Variants in GPR20 observed in about 807,000 individuals in gnomAD.
GPR20 encodes the protein G protein-coupled receptor 20, also known as CTD-3064M3.3.
For synonymous variants in GPR20, 241 were observed against 241.9 expected, an observed-to-expected ratio of 1.00 and a Z score of 0.04; for missense variants, 494 against 527.4, an observed-to-expected ratio of 0.94 and a Z score of 0.62.
At chr8:141,358,124 G>A (rs898827782) in intron 1 of GPR20, among the ~76,000 whole-genome samples, 177 bp from the exon 2 acceptor site, 3 of 152,250 alleles carry the variant, frequency 2.0e-5, no homozygotes, top group Admixed American at 6.5e-5. Flanking sequence ...AGGGAGCCTC[G>A]GACAGCAGCA....
rs768535542 is a variant in GPR20 at position 141,357,971 on chromosome 8, C to T, written c.-24-24G>A. ...GCCTGGAAGCAAGGAGACCAGGTCA[C>T]CCCAGGCGCCAGCCTGGCCTTAAGC... On this transcript the variant is annotated intron_variant, in intron 1 of 1. Coordinates refer to ENST00000377741, the MANE Select transcript of GPR20 (RefSeq NM_005293.3). The T allele has an allele frequency of 4.1e-6, 5 of 1,209,656 alleles. No homozygotes were observed. The South Asian group carries it at 6.1e-5, about 15-fold the overall frequency. 74.9% of individuals were successfully genotyped at this position (1,209,656 alleles called of 1,614,324 possible).
At chr8:141,358,921 G>T (rs1222611338) in intron 1 of GPR20, among the ~76,000 whole-genome samples, 2 of 127,278 alleles carry the variant, frequency 1.6e-5, no homozygotes, top group Non-Finnish European at 3.6e-5. Flanking sequence ...GGTGGGGGGC[G>T]GGCGAGGGGC....
At chr8:141,359,425 T>C (rs1302861066) in intron 1 of GPR20, among the ~76,000 whole-genome samples, 1 of 152,198 alleles carries the variant, frequency 6.6e-6, no homozygotes, top group East Asian at 1.9e-4. Context: ...TCACCCAGCA[T>C]GCCCTCTGCC....
chr8:141,362,779 T>C (rs977308811), intron 1 of GPR20, among the ~76,000 whole-genome samples: 5 of 145,354 alleles, frequency 3.4e-5, no homozygotes, highest in African/African-American at 1.4e-4. Flanking sequence ...ACTCTTTCTT[T>C]CTTTCTTTTT....
intron 1 of GPR20, among the ~76,000 whole-genome samples, chr8:141,363,746 A>C (rs1273036496): frequency 1.3e-5 from 2 of 152,110 alleles, no homozygotes; most frequent in African/African-American, 2.4e-5. Flanking sequence ...AACCCACCCC[A>C]CCAACCTGGG....
rs972965917 is a variant in GPR20, at chr8:141,356,807, G to A, written c.*40C>T. The A allele has an allele frequency of 1.4e-6, 2 of 1,436,354 alleles. No homozygotes were observed. Among genetic ancestry groups the A allele is most frequent in the Non-Finnish European group, 1.9e-6 (2 of 1,053,734 alleles). The allele number at this position is 1,436,354 out of a possible 1,614,324, so 89.0% of individuals were successfully genotyped here. On this transcript the variant is annotated 3_prime_UTR_variant, in exon 2 of 2. Coordinates refer to ENST00000377741, the MANE Select transcript of GPR20 (RefSeq NM_005293.3). Reference sequence around the variant, plus strand: ...GTGGGTGTCCACGCTGGCATGCCCAGATGAGTCCTGACCTTCGGCCCCTGG... The same window carrying A: ...GTGGGTGTCCACGCTGGCATGCCCAAATGAGTCCTGACCTTCGGCCCCTGG...
intron 1 of GPR20, among the ~76,000 whole-genome samples, chr8:141,360,001 A>C (rs1380521069): frequency 2.6e-5 from 4 of 152,156 alleles, no homozygotes; most frequent in Non-Finnish European, 5.9e-5. Flanking sequence ...TTCCTGTGGG[A>C]GTGAGTCCCA....
Position 141,356,896 on chromosome 8 carries a change from G to T in GPR20, c.1028C>A (p.Ala343Asp), listed in dbSNP as rs1408823009. The change falls in exon 2 of 2, where the codon GCC (alanine) becomes GAC (aspartate). Residue 343 changes from alanine to aspartate, a missense_variant. Transcript: ENST00000377741. ...KGSGRHHILS[A>D]GPHALTQALA... is the part of the protein sequence containing the mutation. ...GGCCTGGGTGAGGGCGTGAGGGCCGGCACTGAGGATGTGATGACGGCCTGA... is the reference window on the plus strand; with the variant it reads ...GGCCTGGGTGAGGGCGTGAGGGCCGTCACTGAGGATGTGATGACGGCCTGA... The T allele has an allele frequency of 1.2e-6, 2 of 1,610,912 alleles. No individual in the cohort carries two copies. Among genetic ancestry groups the T allele is most frequent in the South Asian group, 1.1e-5 (1 of 90,974 alleles).
In GPR20 at chr8:141,357,751, G is replaced by A. The variant is rs148158345; in HGVS notation, c.173C>T (p.Ala58Val). 4.2e-5 allele frequency: 68 copies of A among 1,613,030 alleles called. 1 individual carries two copies. The highest frequency in any genetic ancestry group is 5.3e-5 in the African/African-American group (4 of 74,928). ...TFPGLWLALM[A>V]VHGAIFLAGL... ...TGCCAGGAAGATGGCTCCGTGCACC[G>A]CCATCAGCGCCAGCCACAGGCCTGG... Residue 58 changes from alanine to valine, a missense_variant, in exon 2 of 2, where the codon GCG becomes GTG. By Grantham distance (64) the Ala-to-Val change is moderately conservative. Transcript: ENST00000377741.
chr8:141,356,988 G>T lies in GPR20; in HGVS notation c.936C>A (p.Phe312Leu). The T allele has an allele frequency of 6.2e-7, 1 of 1,613,068 alleles. No individual in the cohort carries two copies. The highest frequency in any genetic ancestry group is 8.5e-7 in the Non-Finnish European group (1 of 1,179,890). The change falls in exon 2 of 2, where the codon TTC (phenylalanine) becomes TTA (leucine). Residue 312 changes from phenylalanine (F) to leucine (L), a missense_variant. Phe to Leu is a conservative substitution (Grantham distance 22). Transcript: ENST00000377741. ...TGGGCTCACGCTCTCCGTGCTGGCC[G>T]AAGAGGCCTCGGACGGTGGCCTGGA... ...SGFQATVRGL[F>L]GQHGEREPSS... is the part of the protein sequence containing the mutation.
intron 1 of GPR20, among the ~76,000 whole-genome samples, chr8:141,360,410 G>C (rs143988638): frequency 3.5e-4 from 53 of 152,288 alleles, no homozygotes; most frequent in Admixed American, 5.2e-4. Context: ...TCTGAGCCCT[G>C]ATCCCAGCCA....
chr8:141,357,530 G>C lies in GPR20; in HGVS notation c.394C>G (p.Leu132Val). 6.2e-7 allele frequency: 1 copy of C among 1,613,742 alleles called. No homozygotes were observed. Among genetic ancestry groups the C allele is most frequent in the Non-Finnish European group, 8.5e-7 (1 of 1,179,998 alleles). The change falls in exon 2 of 2, where the codon CTC becomes GTC. Residue 132 changes from leucine (L) to valine (V), a missense_variant. Transcript: ENST00000377741. Reference sequence around the variant, plus strand: ...AAGAGGATGGAGCAGTGCATGTTGAGGAAGTAACCGAGGACGTGCGGGAAG... The same window carrying C: ...AAGAGGATGGAGCAGTGCATGTTGACGAAGTAACCGAGGACGTGCGGGAAG... ...CAFPHVLGYF[L>V]NMHCSILFLT...
At chr8:141,358,205 T>C (rs1041243163) in intron 1 of GPR20, among the ~76,000 whole-genome samples, 2 of 152,196 alleles carry the variant, frequency 1.3e-5, no homozygotes, top group African/African-American at 4.8e-5. Context: ...GCGTGGAGAC[T>C]CGACAAAATA....
rs201478564 is a variant in GPR20 at position 141,357,159 on chromosome 8, C to T, written c.765G>A (p.Thr255=). 87 of 1,608,538 alleles carry T rather than the reference C, an allele frequency of 5.4e-5. No individual in the cohort carries two copies. Among genetic ancestry groups the T allele is most frequent in the Non-Finnish European group, 5.3e-5 (62 of 1,179,324 alleles). Residue 255 remains threonine, a synonymous_variant, in exon 2 of 2, where the codon ACG becomes ACA. Transcript: ENST00000377741. ...CGGCCACTTGGCGGGCGTGGAAGGG[C>T]GTGAAGCAGACGAGAAAGATGATGA... The part of the protein sequence containing the change: ...TVLIIFLVCF[T]PFHARQVAVA...
rs770765826 is a variant in GPR20 at position 141,356,908 on chromosome 8, T to C, written c.1016A>G (p.His339Arg). The C allele has an allele frequency of 6.2e-7, 1 of 1,611,692 alleles. No homozygotes were observed. Among genetic ancestry groups the C allele is most frequent in the Admixed American group, 1.7e-5 (1 of 60,000 alleles). ...HRSSKGSGRH[H>R]ILSAGPHALT... ...GGCGTGAGGGCCGGCACTGAGGATG[T>C]GATGACGGCCTGAGCCCTTGGAGCT... The change falls in exon 2 of 2, where the codon CAC becomes CGC. Residue 339 changes from histidine (H) to arginine (R), a missense_variant. By Grantham distance (29) the His-to-Arg change is conservative (BLOSUM62 0). Coordinates refer to ENST00000377741, the MANE Select transcript of GPR20 (RefSeq NM_005293.3).
Position 141,357,201 on chromosome 8 carries a change from C to T in GPR20, c.723G>A (p.Gln241=). The T allele has an allele frequency of 6.3e-7, 1 of 1,582,342 alleles. No homozygotes were observed. The highest frequency in any genetic ancestry group is 8.6e-7 in the Non-Finnish European group (1 of 1,167,148). ...AGATGATGAGCACCGTGAGCAGGAG[C>T]TGCATGGCCCGCACGCGGCGCTGGC... ...QGRQRRVRAM[Q]LLLTVLIIFL... is the part of the protein sequence containing the mutation. Residue 241 remains glutamine, a synonymous_variant, in exon 2 of 2, where the codon CAG becomes CAA. Coordinates refer to ENST00000377741, the MANE Select transcript of GPR20 (RefSeq NM_005293.3).
intron 1 of GPR20, among the ~76,000 whole-genome samples, chr8:141,365,459 T>C (rs1394572402): frequency 6.6e-6 from 1 of 152,154 alleles, no homozygotes; most frequent in African/African-American, 2.4e-5. Context: ...GCCCTGTGTG[T>C]GGAGGGAATC....
Position 141,357,859 on chromosome 8 carries a change from G to C in GPR20, c.65C>G (p.Thr22Arg). The C allele has an allele frequency of 6.2e-7, 1 of 1,611,394 alleles. No homozygotes were observed. The highest frequency in any genetic ancestry group is 8.5e-7 in the Non-Finnish European group (1 of 1,178,884). ...CAGCCCGCTGGCATTGGTCCGCACT[G>C]TTGTCACTGCGGTGGCATTGGGGAC... The part of the protein sequence containing the change: ...GAVPNATAVT[T>R]VRTNASGLEV... The change falls in exon 2 of 2, where the codon ACA (threonine) becomes AGA (arginine). Residue 22 changes from threonine (T) to arginine (R), a missense_variant. Transcript: ENST00000377741.
Position 141,357,621 on chromosome 8 carries a change from C to CA in GPR20, c.302dup (p.Val102GlyfsTer218). The CA allele has an allele frequency of 6.2e-7, 1 of 1,613,996 alleles. No individual in the cohort carries two copies. Among genetic ancestry groups the CA allele is most frequent in the Non-Finnish European group, 8.5e-7 (1 of 1,180,018 alleles). ...AGCGCGTGGGCAGGGACAGCCCTAC[C>CA]AGTAGATCGGTCACCACCAGGTTGA... On this transcript the variant is annotated frameshift_variant, in exon 2 of 2. Coordinates refer to ENST00000377741, the MANE Select transcript of GPR20 (RefSeq NM_005293.3). LOFTEE classifies it low-confidence loss of function (END_TRUNC).
Sources: allele counts gnomAD v4.1 joint callset (sites outside exome capture counted in the v4.1 genomes callset), GRCh38; gene constraint gnomAD v4.1.1; transcripts MANE v1.5; gene names NCBI Gene and HGNC (gene_info 2026-07-23, HGNC 2026-07-21).